ZMAT4: variants seen among roughly 807,000 people sequenced by gnomAD.
ZMAT4 encodes zinc finger matrin-type 4.
ZMAT4 carries 17 observed loss-of-function variants against 28.7 expected under a neutral mutation model. That is an observed-to-expected ratio of 0.59 (90% CI 0.41 to 0.89). The LOEUF (loss-of-function observed/expected upper bound fraction) is 0.89. ZMAT4 is among the 40% of genes least tolerant of loss of function. The pLI, the probability that ZMAT4 is intolerant of heterozygous loss-of-function variation, is 0.00. For synonymous variants in ZMAT4, 117 were observed against 109.2 expected, an observed-to-expected ratio of 1.07 and a Z score of -0.44; for missense variants, 240 against 283.8, an observed-to-expected ratio of 0.85 and a Z score of 1.11.
intron 5 of ZMAT4, among the ~76,000 whole-genome samples, chr8:40,615,826 G>A (rs180804251): frequency 1.4e-4 from 21 of 152,174 alleles, no homozygotes; most frequent in African/African-American, 2.4e-4. Context: ...TTAGCTATTC[G>A]TCTAATCTTT....
chr8:40,888,840 G>C (rs1818564158), intron 1 of ZMAT4, among the ~76,000 whole-genome samples: 1 of 152,238 alleles, frequency 6.6e-6, no homozygotes, highest in Non-Finnish European at 1.5e-5. Flanking sequence ...CATGCATTTG[G>C]TCTTAATTAA....
At chr8:40,580,295 A>T (rs555351723) in intron 6 of ZMAT4, among the ~76,000 whole-genome samples, 1 of 152,170 alleles carries the variant, frequency 6.6e-6, no homozygotes, top group East Asian at 1.9e-4. Context: ...TACAGGCATG[A>T]GCCACCGCAC....
At chr8:40,773,825 A>G (rs1230613484) in intron 2 of ZMAT4, among the ~76,000 whole-genome samples, 2 of 152,156 alleles carry the variant, frequency 1.3e-5, no homozygotes, top group African/African-American at 4.8e-5. Flanking sequence ...GACAATTTCT[A>G]GAATGCTTAG....
chr8:40,855,274 C>T (rs2150639092), intron 1 of ZMAT4, among the ~76,000 whole-genome samples: 1 of 152,232 alleles, frequency 6.6e-6, no homozygotes, highest in South Asian at 2.1e-4. Flanking sequence ...GAACATCCTG[C>T]ATCCTAACGG....
chr8:40,638,150 T>TA (rs1806866537), intron 5 of ZMAT4, among the ~76,000 whole-genome samples: 1 of 152,146 alleles, frequency 6.6e-6, no homozygotes, highest in Non-Finnish European at 1.5e-5. Flanking sequence ...TATTGTACAA[T>TA]ATAGTGACTA....
chr8:40,858,631 G>A (rs1586178300), intron 1 of ZMAT4, among the ~76,000 whole-genome samples: 2 of 152,138 alleles, frequency 1.3e-5, no homozygotes, highest in East Asian at 1.9e-4. Context: ...TAGGCTCCAC[G>A]GAAGATCAGT....
At chr8:40,894,249 C>T (rs199708135) in intron 1 of ZMAT4, among the ~76,000 whole-genome samples, 1 of 152,250 alleles carries the variant, frequency 6.6e-6, no homozygotes, top group East Asian at 1.9e-4. Context: ...AGCTGCACCA[C>T]TCCAGGTGCT....
intron 6 of ZMAT4, among the ~76,000 whole-genome samples, chr8:40,544,942 C>T (rs1428346647): frequency 6.6e-6 from 1 of 152,142 alleles, no homozygotes; most frequent in Non-Finnish European, 1.5e-5. Flanking sequence ...CAGTTTCTAA[C>T]AAATAGCATA....
At chr8:40,858,838 G>A (rs181719619) in intron 1 of ZMAT4, among the ~76,000 whole-genome samples, 11 of 152,244 alleles carry the variant, frequency 7.2e-5, no homozygotes, top group Admixed American at 2.0e-4. Flanking sequence ...TCAAATACAG[G>A]AAATCTGTCC....
intron 3 of ZMAT4, among the ~76,000 whole-genome samples, chr8:40,767,276 G>A (rs1322978359): frequency 1.3e-5 from 2 of 152,152 alleles, no homozygotes; most frequent in South Asian, 4.1e-4. Flanking sequence ...TATGTAGAAA[G>A]TGAAGTATCT....
At chr8:40,677,701 C>T (rs1474888141) in intron 4 of ZMAT4, among the ~76,000 whole-genome samples, 24 of 152,046 alleles carry the variant, frequency 1.6e-4, no homozygotes, top group Admixed American at 1.6e-3. Flanking sequence ...CACTTACATG[C>T]TTTGGCAGAG....
rs139334611 is a variant in ZMAT4, at chr8:40,682,600, A to G, written c.350-7669T>C. ...ACAAAGGAAATTAAAAAGCACTATA[A>G]TATATCCGATGTTTCAAAATACATG... is the stretch of plus-strand genomic sequence containing the variant. On this transcript the variant is annotated intron_variant, in intron 4 of 6. Coordinates refer to ENST00000297737, the MANE Select transcript of ZMAT4 (RefSeq NM_024645.3). 5.5e-3 allele frequency among the ~76,000 whole-genome samples: 839 copies of G among 152,336 alleles called. 9 individuals carry two copies. Among genetic ancestry groups the G allele is most frequent in the African/African-American group, 0.019 (787 of 41,572 alleles).
chr8:40,639,753 A>T (rs1354547068), intron 5 of ZMAT4, among the ~76,000 whole-genome samples: 1 of 140,072 alleles, frequency 7.1e-6, no homozygotes, highest in African/African-American at 2.7e-5. Context: ...TCAAACTAAC[A>T]AAATTAAGTC....
At chr8:40,712,667 T>G (rs1169791918) in intron 3 of ZMAT4, among the ~76,000 whole-genome samples, 2 of 152,154 alleles carry the variant, frequency 1.3e-5, no homozygotes, top group Non-Finnish European at 2.9e-5. Flanking sequence ...GAAGCTCCAA[T>G]AGCGCCATAT....
rs1230574773 is a variant in ZMAT4 at position 40,612,476 on chromosome 8, G to T, written c.578-31215C>A. Among the ~76,000 whole-genome samples the T allele has an allele frequency of 3.6e-5, 5 of 137,936 alleles. 1 individual carries two copies. The highest frequency in any genetic ancestry group is 6.7e-5 in the Non-Finnish European group (4 of 59,400). 90.5% of individuals were successfully genotyped at this position (137,936 alleles called of 152,430 possible). On this transcript the variant is annotated intron_variant, in intron 5 of 6. Transcript: ENST00000297737. The stretch of plus-strand genomic sequence containing the variant: ...CACACACAGTATCCATTCCTTAAAA[G>T]TGTGTATTCCTCAAGTTCCTGTGCT...
chr8:40,565,823 G>A (rs1803905007), intron 6 of ZMAT4, among the ~76,000 whole-genome samples: 2 of 150,792 alleles, frequency 1.3e-5, no homozygotes, highest in Admixed American at 6.6e-5. Context: ...CTTGGGCTTG[G>A]AAGAACTGCA....
intron 2 of ZMAT4, among the ~76,000 whole-genome samples, chr8:40,814,350 T>C (rs183313805): frequency 1.7e-4 from 26 of 152,324 alleles, no homozygotes; most frequent in Non-Finnish European, 1.2e-4. Flanking sequence ...ACAAGCCCAG[T>C]TGGCGGAATT....
At chr8:40,680,627 G>A (rs1809115692) in intron 4 of ZMAT4, among the ~76,000 whole-genome samples, 1 of 151,496 alleles carries the variant, frequency 6.6e-6, no homozygotes, top group Non-Finnish European at 1.5e-5. Flanking sequence ...AGTTTGCCAA[G>A]GAGCCACAGG....
At position 40,827,230 on chromosome 8, in the gene ZMAT4, G is replaced by A. The variant is rs576471496; in HGVS notation, c.-4-1550C>T. The stretch of plus-strand genomic sequence containing the variant: ...CCTCAGTTTCCCCCATATAAAAATT[G>A]AGATAATAATATTTACCATGCCTTC... On this transcript the variant is annotated intron_variant, in intron 1 of 6. Transcript: ENST00000297737. Among the ~76,000 whole-genome samples the A allele has an allele frequency of 2.0e-5, 3 of 152,230 alleles. No homozygotes were observed. In the South Asian group the frequency reaches 6.2e-4, roughly 32 times the overall value.
Sources: allele counts gnomAD v4.1 joint callset (sites outside exome capture counted in the v4.1 genomes callset), GRCh38; gene constraint gnomAD v4.1.1; transcripts MANE v1.5; gene names NCBI Gene and HGNC (gene_info 2026-07-23, HGNC 2026-07-21).